Variants in DHX33 observed in about 807,000 individuals in gnomAD.
DHX33 encodes the protein DEAH-box helicase 33.
Under a neutral mutation model 72.5 loss-of-function variants are expected in DHX33, and 42 were observed. The ratio of observed to expected loss-of-function variants is 0.58; its 90% CI spans 0.45 to 0.75. The LOEUF (loss-of-function observed/expected upper bound fraction) is 0.75. Ranked by LOEUF, DHX33 falls within the 30% of genes least tolerant of loss-of-function variation. The pLI is 0.00. For missense variants in DHX33, 842 were observed against 917.5 expected, an observed-to-expected ratio of 0.92 and a Z score of 1.06; for synonymous variants, 358 against 366.1, an observed-to-expected ratio of 0.98 and a Z score of 0.25.
intron 1 of DHX33, among the ~76,000 whole-genome samples, chr17:5,464,157 C>A (rs1485851194): frequency 6.6e-6 from 1 of 152,084 alleles, no homozygotes; most frequent in African/African-American, 2.4e-5. Flanking sequence ...TAGGGAGATG[C>A]CGTCTCTACA....
chr17:5,443,845 G>A lies in DHX33; in HGVS notation c.*360C>T. On this transcript the variant is annotated 3_prime_UTR_variant, in exon 12 of 12. Transcript: ENST00000225296. ...TGTACGTGTGTCGTGCGTGCTCCAG[G>A]CATAGTTCTGGGTACTTTCCATTCC... The A allele has an allele frequency of 4.6e-6, 1 of 217,978 alleles. No homozygotes were observed. The allele number at this position is 217,978 out of a possible 1,614,324, so 13.5% of individuals were successfully genotyped here.
chr17:5,457,713 A>AT (rs879375035), intron 4 of DHX33, among the ~76,000 whole-genome samples: 8 of 151,646 alleles, frequency 5.3e-5, no homozygotes, highest in African/African-American at 1.5e-4. Context: ...TTTAATATGT[A>AT]TTTTTTTTCA....
intron 1 of DHX33, among the ~76,000 whole-genome samples, chr17:5,467,073 C>T (rs768025240): frequency 4.6e-5 from 7 of 152,116 alleles, no homozygotes; most frequent in East Asian, 1.9e-4. Flanking sequence ...TAGTAAAAAG[C>T]GCTGCTAAAA....
At position 5,444,265 on chromosome 17, in the gene DHX33, C is replaced by T. The variant is rs772261071; in HGVS notation, c.2064G>A (p.Gln688=). The stretch of plus-strand genomic sequence containing the variant: ...ACTCAGGGGCAGCCTCGTACAGCCA[C>T]TGTGCATCTATGACGCAGAGGTCCC... ...YMRDLCVIDA[Q]WLYEAAPEYF... Residue 688 remains glutamine, a synonymous_variant, in exon 12 of 12, where the codon CAG becomes CAA. Transcript: ENST00000225296. This position sits in a 1 kb window ranked among gnomAD's most constrained non-coding sequence, Gnocchi z 4.9. 28 of 1,614,132 alleles carry T rather than the reference C, an allele frequency of 1.7e-5. No homozygotes were observed. Among genetic ancestry groups the T allele is most frequent in the Middle Eastern group, 3.3e-4 (2 of 6,084 alleles).
chr17:5,445,083 CT>C (rs936357910), intron 11 of DHX33, among the ~76,000 whole-genome samples: 1,491 of 145,828 alleles, frequency 0.01, 17 homozygotes, highest in African/African-American at 0.031. Flanking sequence ...TTCTTTCTTT[CT>C]TTTTTTTTTT....
chr17:5,464,194 G>C (rs1458889726), intron 1 of DHX33, among the ~76,000 whole-genome samples: 1 of 152,108 alleles, frequency 6.6e-6, no homozygotes, highest in Non-Finnish European at 1.5e-5. Flanking sequence ...GTTGGACGTG[G>C]TGGTGCACGC....
chr17:5,457,432 G>C (rs1904374391), intron 4 of DHX33, among the ~76,000 whole-genome samples: 1 of 152,042 alleles, frequency 6.6e-6, no homozygotes, highest in Non-Finnish European at 1.5e-5. Flanking sequence ...AGACCAGCCT[G>C]TCCAACACAG....
At chr17:5,454,084 G>C (rs927620064) in intron 6 of DHX33, 104 bp from the exon 7 acceptor site, 6 of 1,369,124 alleles carry the variant, frequency 4.4e-6, no homozygotes, top group Non-Finnish European at 5.9e-6. Context: ...CAACACGGGG[G>C]TCCAGAAAGC....
In DHX33 at chr17:5,444,371, T is replaced by C. The variant is rs551944375; in HGVS notation, c.1958A>G (p.His653Arg). Residue 653 changes from histidine to arginine, a missense_variant, in exon 12 of 12, where the codon CAC (histidine) becomes CGC (arginine). By Grantham distance (29) the His-to-Arg change is conservative. Transcript: ENST00000225296. The surrounding 1 kb of genome is among the most constrained non-coding windows in gnomAD (Gnocchi z 4.9). ...TTDTHQPVAI[H>R]PSSVLFHCKP... ...GCAGTGGAAGAGGACAGACGACGGG[T>C]GGATGGCCACTGGCTGGTGGGTGTC... 11 of 1,613,924 alleles carry C rather than the reference T, an allele frequency of 6.8e-6. No homozygotes were observed. Among genetic ancestry groups the C allele is most frequent in the Non-Finnish European group, 9.3e-6 (11 of 1,179,980 alleles).
intron 11 of DHX33, among the ~76,000 whole-genome samples, chr17:5,447,561 T>G (rs564339646): frequency 6.6e-6 from 1 of 151,330 alleles, no homozygotes; most frequent in East Asian, 2.0e-4. Flanking sequence ...GAGGCAGAGG[T>G]TGTGGTGAGC....
rs377645589 is a variant in DHX33, at chr17:5,442,250, A to ATTTTTTTTTTTTTTTTTTTT, written c.*1935_*1954dup. 2 of 121,820 alleles carry ATTTTTTTTTTTTTTTTTTTT rather than the reference A, an allele frequency of 1.6e-5. No homozygotes were observed. The highest frequency in any genetic ancestry group is 3.1e-5 in the African/African-American group (1 of 32,004). 7.5% of individuals were successfully genotyped at this position (121,820 alleles called of 1,614,324 possible). ...AGCCACTGCGCCCGGCCACCCCCCA[A>ATTTTTTTTTTTTTTTTTTTT]TTTTTTTTTTTTTTTTTTTTTTTTT... On this transcript the variant is annotated 3_prime_UTR_variant, in exon 12 of 12. Coordinates refer to ENST00000225296, the MANE Select transcript of DHX33 (RefSeq NM_020162.4).
chr17:5,452,313 G>T (rs1250866164), intron 8 of DHX33, among the ~76,000 whole-genome samples: 1 of 152,182 alleles, frequency 6.6e-6, no homozygotes, highest in Non-Finnish European at 1.5e-5. Context: ...ACCGAGGTGG[G>T]CGGACCACCT....
intron 10 of DHX33, 126 bp downstream of exon 10, chr17:5,450,071 CTTTTTG>C: frequency 9.0e-7 from 1 of 1,108,888 alleles, no homozygotes; most frequent in Non-Finnish European, 1.3e-6. Context: ...GTCTGGCTTT[CTTTTTG>C]TGATTCTTTA....
intron 8 of DHX33, among the ~76,000 whole-genome samples, chr17:5,452,798 T>C (rs1169557042): frequency 6.6e-6 from 1 of 152,202 alleles, no homozygotes; most frequent in Non-Finnish European, 1.5e-5. Context: ...TCTAGAAGTC[T>C]ACTAGAAAAT....
Position 5,453,618 on chromosome 17 carries a change from T to C in DHX33, c.1358A>G (p.Asn453Ser), listed in dbSNP as rs1412449797. Residue 453 changes from asparagine to serine, a missense_variant, in exon 8 of 12, where the codon AAT becomes AGT. Coordinates refer to ENST00000225296, the MANE Select transcript of DHX33 (RefSeq NM_020162.4). ...CGACATGAAGTCAAAGGTGAGCACA[T>C]TTGGGACTTTCATTGCTAGAAGCTG... ...MLQLLAMKVP[N>S]VLTFDFMSKP... The C allele has an allele frequency of 6.2e-7, 1 of 1,614,068 alleles. No homozygotes were observed. Among genetic ancestry groups the C allele is most frequent in the Admixed American group, 1.7e-5 (1 of 59,998 alleles).
intron 4 of DHX33, among the ~76,000 whole-genome samples, chr17:5,460,525 C>G (rs1451154931): frequency 7.4e-6 from 1 of 135,610 alleles, no homozygotes; most frequent in East Asian, 2.2e-4. Context: ...TTTTTTTTTT[C>G]AGACGGAGTC....
intron 6 of DHX33, 100 bp from the exon 7 acceptor site, chr17:5,454,080 G>C (rs1227240127): frequency 7.1e-7 from 1 of 1,399,420 alleles, no homozygotes; most frequent in South Asian, 1.3e-5. Flanking sequence ...TCAGCAACAC[G>C]GGGGTCCAGA....
intron 5 of DHX33, 38 bp downstream of exon 5, chr17:5,455,958 GC>G: frequency 6.3e-7 from 1 of 1,585,740 alleles, no homozygotes; most frequent in South Asian, 1.1e-5. Flanking sequence ...CCGTCTGGGT[GC>G]CCAGAATAGG....
intron 6 of DHX33, 47 bp downstream of exon 6, chr17:5,455,113 C>T (rs762155278): frequency 4.0e-6 from 6 of 1,500,674 alleles, no homozygotes; most frequent in East Asian, 2.3e-5. Flanking sequence ...GTTTCAGTGG[C>T]TGCTCACTAG....
Sources: gnomAD v4.1 joint callset for allele counts (sites outside exome capture counted in the v4.1 genomes callset) on GRCh38, gnomAD v4.1.1 for gene constraint, Gnocchi (gnomAD v3.1) non-coding constraint, MANE v1.5 for transcripts, NCBI Gene and HGNC (gene_info 2026-07-23, HGNC 2026-07-21) for gene names.